Variants in EHMT1 observed in about 807,000 individuals in gnomAD.
EHMT1 encodes the protein histone-lysine N-methyltransferase EHMT1.
Under a neutral mutation model 147.2 loss-of-function variants are expected in EHMT1, and 15 were observed. The ratio of observed to expected loss-of-function variants is 0.10; its 90% CI spans 0.07 to 0.16. The LOEUF is 0.16. Ranked by LOEUF, EHMT1 falls within the 10% of genes least tolerant of loss-of-function variation. EHMT1 has a pLI of 1.00. For synonymous variants in EHMT1, 795 were observed against 709.6 expected (o/e 1.12, Z -1.91); for missense variants, 1,587 against 1,772.4 (o/e 0.90, Z 1.88).
chr9:137,801,381 G>A (rs1233742745), intron 18 of EHMT1, among the ~76,000 whole-genome samples: 5 of 152,206 alleles, frequency 3.3e-5, no homozygotes, highest in African/African-American at 1.2e-4. Flanking sequence ...GAGTGCAGTG[G>A]CGTAATCTTG....
At position 137,775,352 on chromosome 9, in the gene EHMT1, C is replaced by T. The variant is rs1313832560; in HGVS notation, c.1791+100C>T. 3 of 1,522,654 alleles carry T rather than the reference C, an allele frequency of 2.0e-6. No individual in the cohort carries two copies. The highest frequency in any genetic ancestry group is 4.8e-5 in the East Asian group (2 of 41,722). The allele number at this position is 1,522,654 out of a possible 1,614,324, so 94.3% of individuals were successfully genotyped here. A position where few individuals can be genotyped will look rare whatever the true frequency, so the allele number is the denominator to read the frequency against. On this transcript the variant is annotated intron_variant, in intron 11 of 26. Coordinates refer to ENST00000460843, the MANE Select transcript of EHMT1 (RefSeq NM_024757.5). This position sits in a 1 kb window ranked among gnomAD's most constrained non-coding sequence, Gnocchi z 6.1. The stretch of plus-strand genomic sequence containing the variant: ...TGTGTCCACCTGCTGTCGGGTGGTC[C>T]AGCAGCTGGCCCAGGTCTGGTGTCC...
At chr9:137,769,182 C>A (rs931053258) in intron 10 of EHMT1, among the ~76,000 whole-genome samples, 1 of 152,162 alleles carries the variant, frequency 6.6e-6, no homozygotes, top group African/African-American at 2.4e-5. Flanking sequence ...ACAGTAGGTC[C>A]TGTCTTGTAT....
chr9:137,698,165 G>T (rs2987627), intron 1 of EHMT1, among the ~76,000 whole-genome samples: 151,341 of 152,300 alleles, frequency 0.99, 75,195 homozygotes, highest in East Asian at 1. Flanking sequence ...GCGCTGAGGA[G>T]GATCATTATT....
In EHMT1 at chr9:137,818,142, A is replaced by T. The variant is rs1350193185; in HGVS notation, c.3540+4A>T. 3.1e-6 allele frequency: 5 copies of T among 1,614,080 alleles called. No individual in the cohort carries two copies. In the South Asian group the frequency reaches 5.5e-5, roughly 18 times the overall value. The stretch of plus-strand genomic sequence containing the variant: ...CCTCTTTGATCTCGACAATAAGGTA[A>T]TGTGTTTTGTGGGGTTGGGGCCACG... On this transcript the variant is annotated splice_donor_region_variant and intron_variant, in intron 25 of 26. Coordinates refer to ENST00000460843, the MANE Select transcript of EHMT1 (RefSeq NM_024757.5).
intron 1 of EHMT1, among the ~76,000 whole-genome samples, chr9:137,666,728 T>C (rs1250511726): frequency 1.3e-5 from 2 of 152,196 alleles, no homozygotes; most frequent in Non-Finnish European, 2.9e-5. Flanking sequence ...GATGATCCTG[T>C]CTGCGTGTTC....
chr9:137,750,801 G>A (rs556815550), intron 6 of EHMT1, among the ~76,000 whole-genome samples: 20 of 152,362 alleles, frequency 1.3e-4, no homozygotes, highest in South Asian at 4.1e-4. Context: ...ACTCAGGAGC[G>A]CTGAGGCGGT....
chr9:137,762,598 G>A (rs554593321), intron 9 of EHMT1, 77 bp from the exon 10 acceptor site: 1 of 1,607,416 alleles, frequency 6.2e-7, no homozygotes, highest in South Asian at 1.1e-5. Context: ...TCACTGTTGA[G>A]ACTATAATCG....
chr9:137,687,141 A>G (rs755539092), intron 1 of EHMT1, among the ~76,000 whole-genome samples: 1 of 152,168 alleles, frequency 6.6e-6, no homozygotes, highest in Non-Finnish European at 1.5e-5. Flanking sequence ...CTGTAAAGGT[A>G]TGGGCTTATT....
intron 1 of EHMT1, among the ~76,000 whole-genome samples, chr9:137,635,302 A>T (rs1372629716): frequency 2.0e-5 from 3 of 150,388 alleles, no homozygotes; most frequent in African/African-American, 7.3e-5. Context: ...CGCCTCCTGA[A>T]TTCAAGCCAT....
At chr9:137,823,068 C>G (rs1309227166) in intron 25 of EHMT1, among the ~76,000 whole-genome samples, 1 of 149,598 alleles carries the variant, frequency 6.7e-6, no homozygotes, top group Non-Finnish European at 1.5e-5. Flanking sequence ...GTAGCTGGGA[C>G]TACAGGCGCC....
chr9:137,775,367 G>C lies in EHMT1; in HGVS notation c.1791+115G>C. On this transcript the variant is annotated intron_variant, in intron 11 of 26. Coordinates refer to ENST00000460843, the MANE Select transcript of EHMT1 (RefSeq NM_024757.5). This position sits in a 1 kb window ranked among gnomAD's most constrained non-coding sequence, Gnocchi z 6.1. ...TCGGGTGGTCCAGCAGCTGGCCCAGGTCTGGTGTCCGTCTGGAGGTCTCCA... is the reference window on the plus strand; with the variant it reads ...TCGGGTGGTCCAGCAGCTGGCCCAGCTCTGGTGTCCGTCTGGAGGTCTCCA... 6.8e-7 allele frequency: 1 copy of C among 1,471,536 alleles called. No individual in the cohort carries two copies. The highest frequency in any genetic ancestry group is 1.2e-5 in the South Asian group (1 of 82,214). The allele number at this position is 1,471,536 out of a possible 1,614,324, so 91.2% of individuals were successfully genotyped here.
chr9:137,742,019 G>C (rs1313812838), intron 4 of EHMT1, among the ~76,000 whole-genome samples: 1 of 152,170 alleles, frequency 6.6e-6, no homozygotes, highest in Non-Finnish European at 1.5e-5. Flanking sequence ...AGCCATGCTG[G>C]CCTGTCAGCC....
At chr9:137,765,329 A>G (rs966434323) in intron 10 of EHMT1, among the ~76,000 whole-genome samples, 1 of 151,960 alleles carries the variant, frequency 6.6e-6, no homozygotes, top group Non-Finnish European at 1.5e-5. Flanking sequence ...AACAACCTCT[A>G]GTGGTATCCG....
chr9:137,669,336 G>GCACTCGCC (rs1564562348), intron 1 of EHMT1, among the ~76,000 whole-genome samples: 1 of 22,190 alleles, frequency 4.5e-5, no homozygotes, highest in Non-Finnish European at 8.4e-5. Flanking sequence ...CACAGCACGT[G>GCACTCGCC]GACCCCACAC....
intron 1 of EHMT1, among the ~76,000 whole-genome samples, chr9:137,702,862 C>T (rs1401565636): frequency 2.0e-5 from 3 of 152,236 alleles, no homozygotes; most frequent in African/African-American, 2.4e-5. Context: ...CATCCAGCAT[C>T]CTCTGAATTC....
chr9:137,780,226 T>TGTGTG (rs1951293667), intron 14 of EHMT1, among the ~76,000 whole-genome samples: 1 of 130,882 alleles, frequency 7.6e-6, no homozygotes, highest in East Asian at 2.4e-4. Flanking sequence ...GACGCTGAGA[T>TGTGTG]GTGATGACGC....
intron 15 of EHMT1, among the ~76,000 whole-genome samples, chr9:137,790,573 C>A (rs529680769): frequency 6.6e-6 from 1 of 152,296 alleles, no homozygotes; most frequent in Admixed American, 6.5e-5. Context: ...CTCCTCATTT[C>A]TAAAGGTGTT....
intron 4 of EHMT1, among the ~76,000 whole-genome samples, chr9:137,737,325 C>CT (rs1947626193): frequency 6.6e-6 from 1 of 152,156 alleles, no homozygotes; most frequent in Non-Finnish European, 1.5e-5. Flanking sequence ...GGCCAGTGGG[C>CT]TAGAACAGAG....
At chr9:137,653,683 C>T (rs1450479169) in intron 1 of EHMT1, among the ~76,000 whole-genome samples, 3 of 152,208 alleles carry the variant, frequency 2.0e-5, no homozygotes, top group South Asian at 2.1e-4. Context: ...CATGTGCCAC[C>T]GTGCCCAGTT....
Sources: gnomAD v4.1 joint callset for allele counts (sites outside exome capture counted in the v4.1 genomes callset) on GRCh38, gnomAD v4.1.1 for gene constraint, Gnocchi (gnomAD v3.1) non-coding constraint, MANE v1.5 for transcripts, NCBI Gene and HGNC (gene_info 2026-07-23, HGNC 2026-07-21) for gene names.